The following ANO3 variants were observed in gnomAD, a reference collection of about 807,000 sequenced individuals.
The protein encoded by ANO3 is anoctamin-3.
A neutral mutation model predicts 144.8 loss-of-function variants in ANO3; 99 were observed. That is an observed-to-expected ratio of 0.68 (90% CI 0.58 to 0.81). The LOEUF (loss-of-function observed/expected upper bound fraction) is 0.81. ANO3 is among the 30% of genes least tolerant of loss of function. The pLI, the probability that ANO3 is intolerant of heterozygous loss-of-function variation, is 0.00. For synonymous variants in ANO3, 414 were observed against 392.6 expected (o/e 1.05, Z -0.64); for missense variants, 905 against 1,202.2 (o/e 0.75, Z 3.66).
intron 1 of ANO3, among the ~76,000 whole-genome samples, chr11:26,415,774 C>T (rs1002148511): frequency 3.9e-5 from 6 of 152,090 alleles, no homozygotes; most frequent in African/African-American, 7.2e-5. Flanking sequence ...GTCATTGAAC[C>T]GGGTATTAAA....
At chr11:26,534,750 T>C (rs765241529) in intron 9 of ANO3, among the ~76,000 whole-genome samples, 188 bp downstream of exon 9, 2 of 152,152 alleles carry the variant, frequency 1.3e-5, no homozygotes, top group African/African-American at 2.4e-5. Flanking sequence ...TTTTTGAGGG[T>C]ATTTGGTCAT....
intron 1 of ANO3, among the ~76,000 whole-genome samples, chr11:26,430,177 C>T (rs1424252348): frequency 2.0e-5 from 3 of 151,906 alleles, no homozygotes; most frequent in South Asian, 4.2e-4. Context: ...AGGAAGATCA[C>T]CTGAACCCAG....
intron 4 of ANO3, among the ~76,000 whole-genome samples, chr11:26,466,665 G>A (rs1859613543): frequency 6.6e-6 from 1 of 151,872 alleles, no homozygotes; most frequent in Admixed American, 6.6e-5. Flanking sequence ...AACAGCAAAG[G>A]CCAGGAAAAT....
intron 17 of ANO3, among the ~76,000 whole-genome samples, chr11:26,612,232 G>T (rs1269632296): frequency 6.6e-6 from 1 of 151,872 alleles, no homozygotes; most frequent in Non-Finnish European, 1.5e-5. Flanking sequence ...TTTCTGTGGT[G>T]CTATGCTTTG....
At chr11:26,256,128 T>C (rs912409847) in intron 1 of ANO3, among the ~76,000 whole-genome samples, 4 of 152,204 alleles carry the variant, frequency 2.6e-5, no homozygotes, top group Non-Finnish European at 5.9e-5. Flanking sequence ...ACATTCCCTG[T>C]ACTGTGTAAG....
chr11:26,292,471 T>A (rs531998867), intron 1 of ANO3, among the ~76,000 whole-genome samples: 35 of 152,270 alleles, frequency 2.3e-4, no homozygotes, highest in Admixed American at 2.3e-3. Context: ...GGAGGTGCGA[T>A]CCTTTGGAGG....
At chr11:26,335,769 T>C (rs1186944785) in intron 1 of ANO3, among the ~76,000 whole-genome samples, 1 of 152,182 alleles carries the variant, frequency 6.6e-6, no homozygotes, top group African/African-American at 2.4e-5. Context: ...CTTGCTACTA[T>C]AGGAAGTTTG....
Position 26,598,840 on chromosome 11 carries a change from C to A in ANO3, c.1531-18C>A, listed in dbSNP as rs960203566. On this transcript the variant is annotated intron_variant, in intron 15 of 26. Transcript: ENST00000256737. ...GTTTATGGCTTTGATATTTAGATAACTTTCGTTTCTCTCATAGGAAACACT... is the reference window on the plus strand; with the variant it reads ...GTTTATGGCTTTGATATTTAGATAAATTTCGTTTCTCTCATAGGAAACACT... The A allele has an allele frequency of 4.2e-5, 67 of 1,605,078 alleles. No homozygotes were observed. Among genetic ancestry groups the A allele is most frequent in the Non-Finnish European group, 5.4e-5 (64 of 1,176,534 alleles).
intron 1 of ANO3, among the ~76,000 whole-genome samples, chr11:26,205,724 C>T (rs911452693): frequency 6.6e-6 from 1 of 152,140 alleles, no homozygotes; most frequent in Non-Finnish European, 1.5e-5. Flanking sequence ...AAACGGTATA[C>T]TGTATAGTCA....
rs370416004 is a variant in ANO3 at position 26,245,023 on chromosome 11, A to G, written c.154+55693A>G. Among the ~76,000 whole-genome samples the G allele has an allele frequency of 5.8e-3, 462 of 79,364 alleles. 5 individuals are homozygous for G. The highest frequency in any genetic ancestry group is 0.011 in the African/African-American group (266 of 24,522). 52.1% of individuals were successfully genotyped at this position (79,364 alleles called of 152,430 possible). ...TGTGTGTGTGTGTGTGTGTGTGTGCATGCATGCATTTGTCTTTCATAGCAT... is the reference window on the plus strand; with the variant it reads ...TGTGTGTGTGTGTGTGTGTGTGTGCGTGCATGCATTTGTCTTTCATAGCAT... On this transcript the variant is annotated intron_variant, in intron 1 of 27. Transcript: ENST00000672621.
intron 1 of ANO3, among the ~76,000 whole-genome samples, chr11:26,229,100 A>AC (rs1554925881): frequency 6.6e-6 from 1 of 151,434 alleles, no homozygotes; most frequent in Non-Finnish European, 1.5e-5. Context: ...TAAAGAGGAC[A>AC]TTTTTTTTTC....
intron 18 of ANO3, among the ~76,000 whole-genome samples, chr11:26,630,733 A>G (rs1213627716): frequency 1.3e-5 from 2 of 152,154 alleles, no homozygotes; most frequent in Admixed American, 1.3e-4. Context: ...ATTGTTGAGT[A>G]AGGAATTCTG....
At chr11:26,233,079 T>G (rs1375870319) in intron 1 of ANO3, among the ~76,000 whole-genome samples, 1 of 151,872 alleles carries the variant, frequency 6.6e-6, no homozygotes, top group Non-Finnish European at 1.5e-5. Flanking sequence ...TAGCCAGGCC[T>G]GGTGGCGGGC....
chr11:26,592,402 G>C (rs149800844), intron 14 of ANO3, among the ~76,000 whole-genome samples: 1 of 151,996 alleles, frequency 6.6e-6, no homozygotes, highest in Non-Finnish European at 1.5e-5. Flanking sequence ...CCTTGAAAGC[G>C]GTGCCATTGA....
Position 26,251,129 on chromosome 11 carries a change from G to T in ANO3, c.155-58516G>T, listed in dbSNP as rs570362020. ...GAGTTCATATTGCTTTCACACCATT[G>T]CAAAGTTGAAAAATTGTAAGTCAAG... is the stretch of plus-strand genomic sequence containing the variant. On this transcript the variant is annotated intron_variant, in intron 1 of 27. Coordinates refer to the ANO3 transcript ENST00000672621. Among the ~76,000 whole-genome samples, 282 of 152,234 alleles carry T rather than the reference G, an allele frequency of 1.9e-3. 2 individuals carry two copies. The highest frequency in any genetic ancestry group is 3.4e-3 in the Middle Eastern group (1 of 294).
Position 26,660,264 on chromosome 11 carries a change from C to A in ANO3, c.2766C>A (p.His922Gln). 6.2e-7 allele frequency: 1 copy of A among 1,612,516 alleles called. No homozygotes were observed. Among genetic ancestry groups the A allele is most frequent in the Non-Finnish European group, 8.5e-7 (1 of 1,179,294 alleles). ...ARLAFIIVFE[H>Q]LVFGIKSFIA... Reference sequence around the variant, plus strand: ...CCTTTTCACATTTAAATTTGCAGCACCTTGTTTTTGGGATTAAGTCATTCA... The same window carrying A: ...CCTTTTCACATTTAAATTTGCAGCAACTTGTTTTTGGGATTAAGTCATTCA... Residue 922 changes from histidine (H) to glutamine (Q), a missense_variant and splice_region_variant, in exon 27 of 27, where the codon CAC becomes CAA. Coordinates refer to ENST00000256737, the MANE Select transcript of ANO3 (RefSeq NM_031418.4).
intron 1 of ANO3, among the ~76,000 whole-genome samples, chr11:26,342,954 TTAAAA>T (rs1855403867): frequency 6.6e-6 from 1 of 152,216 alleles, no homozygotes; most frequent in Admixed American, 6.5e-5. Flanking sequence ...AATCAAGCAA[TTAAAA>T]TATCTGTCAC....
intron 1 of ANO3, among the ~76,000 whole-genome samples, chr11:26,423,349 C>T (rs1364660514): frequency 5.0e-5 from 7 of 140,290 alleles, no homozygotes; most frequent in Admixed American, 4.7e-4. Context: ...CATCTACTTC[C>T]CCTGTGAATA....
chr11:26,508,945 C>T (rs915533600), intron 5 of ANO3, among the ~76,000 whole-genome samples: 17 of 151,520 alleles, frequency 1.1e-4, no homozygotes, highest in Admixed American at 3.3e-4. Context: ...AAATCATACG[C>T]TTCTCTCCTT....
Sources: gnomAD v4.1 joint callset for allele counts (sites outside exome capture counted in the v4.1 genomes callset) on GRCh38, gnomAD v4.1.1 for gene constraint, MANE v1.5 for transcripts, NCBI Gene and HGNC (gene_info 2026-07-23, HGNC 2026-07-21) for gene names.